FRMD4B: variants seen among roughly 807,000 people sequenced by gnomAD.
FRMD4B encodes the protein FERM domain-containing protein 4B.
A neutral mutation model predicts 141.5 loss-of-function variants in FRMD4B; 74 were observed. The ratio of observed to expected loss-of-function variants is 0.52; its 90% CI spans 0.43 to 0.63. The LOEUF (loss-of-function observed/expected upper bound fraction) is 0.63, where lower values mean the gene tolerates loss of function less well. Ranked by LOEUF, FRMD4B falls within the 30% of genes least tolerant of loss-of-function variation. The probability of loss-of-function intolerance (pLI) is 0.00; values close to 1 mark genes in which losing one functional copy is unlikely to be tolerated. For synonymous variants in FRMD4B, 506 were observed against 467.9 expected (o/e 1.08, Z -1.05); for missense variants, 1,366 against 1,253.4 (o/e 1.09, Z -1.36).
intron 1 of FRMD4B, among the ~76,000 whole-genome samples, chr3:69,329,146 T>C (rs1039477794): frequency 6.6e-6 from 1 of 152,098 alleles, no homozygotes; most frequent in African/African-American, 2.4e-5. Context: ...GTGGAGGCCG[T>C]TGAGAGACCA....
intron 4 of FRMD4B, among the ~76,000 whole-genome samples, chr3:69,288,371 C>T (rs987968569): frequency 6.6e-6 from 1 of 152,262 alleles, no homozygotes; most frequent in African/African-American, 2.4e-5. Context: ...TCCTTCCCAT[C>T]CTTCCAGGCC....
At chr3:69,202,640 A>G (rs1270024389) in intron 11 of FRMD4B, among the ~76,000 whole-genome samples, 1 of 152,188 alleles carries the variant, frequency 6.6e-6, no homozygotes, top group Non-Finnish European at 1.5e-5. Context: ...ACGAGTTTGA[A>G]CACTATGTTG....
intron 7 of FRMD4B, among the ~76,000 whole-genome samples, chr3:69,226,222 A>C (rs1018367337): frequency 6.6e-6 from 1 of 152,200 alleles, no homozygotes; most frequent in African/African-American, 2.4e-5. Flanking sequence ...CTGTTCTTAC[A>C]TAAGAATAAA....
chr3:69,264,506 A>C (rs879234621), intron 5 of FRMD4B, among the ~76,000 whole-genome samples: 1 of 152,170 alleles, frequency 6.6e-6, no homozygotes, highest in Non-Finnish European at 1.5e-5. Context: ...GCTCAGAGTA[A>C]GGGATCCCAG....
chr3:69,339,538 A>T (rs1702666183), intron 1 of FRMD4B, among the ~76,000 whole-genome samples: 1 of 152,152 alleles, frequency 6.6e-6, no homozygotes, highest in Non-Finnish European at 1.5e-5. Flanking sequence ...GTTAGCCATG[A>T]TGACTATTAA....
intron 1 of FRMD4B, among the ~76,000 whole-genome samples, chr3:69,470,656 T>C (rs937585396): frequency 6.6e-6 from 1 of 152,124 alleles, no homozygotes; most frequent in Non-Finnish European, 1.5e-5. Flanking sequence ...TTGCAACAAG[T>C]TATCTCTGCA....
At chr3:69,420,299 A>AAAAAAC (rs1704951447) in intron 2 of FRMD4B, among the ~76,000 whole-genome samples, 1 of 151,776 alleles carries the variant, frequency 6.6e-6, no homozygotes, top group South Asian at 2.1e-4. Context: ...TCAAAAAAAA[A>AAAAAAC]AAAAAACAAC....
chr3:69,540,343 C>A (rs896806762), intron 1 of FRMD4B, among the ~76,000 whole-genome samples: 1 of 148,326 alleles, frequency 6.7e-6, no homozygotes, highest in Admixed American at 6.7e-5. Context: ...GGCCGGGTGC[C>A]GCGGCTCACC....
intron 9 of FRMD4B, among the ~76,000 whole-genome samples, chr3:69,220,572 C>T (rs1575623524): frequency 6.6e-6 from 1 of 152,162 alleles, no homozygotes; most frequent in East Asian, 1.9e-4. Context: ...AGATTAGAGG[C>T]TAGGCACAGT....
chr3:69,338,344 A>G (rs949516647), intron 1 of FRMD4B, among the ~76,000 whole-genome samples: 9 of 152,204 alleles, frequency 5.9e-5, no homozygotes, highest in African/African-American at 1.9e-4. Context: ...ATTAGGAGAT[A>G]TACCTAATGT....
chr3:69,464,858 C>T (rs1705757973), intron 1 of FRMD4B, among the ~76,000 whole-genome samples: 3 of 152,160 alleles, frequency 2.0e-5, no homozygotes, highest in Admixed American at 6.5e-5. Context: ...ATGAAATTAG[C>T]AAAATCCAGA....
chr3:69,541,868 C>T (rs1701191235), intron 1 of FRMD4B, among the ~76,000 whole-genome samples: 4 of 152,042 alleles, frequency 2.6e-5, no homozygotes, highest in Admixed American at 2.6e-4. Flanking sequence ...TCCCGACCTC[C>T]CACGAACGCG....
chr3:69,262,476 T>C (rs1037884148), intron 5 of FRMD4B, among the ~76,000 whole-genome samples: 1 of 146,690 alleles, frequency 6.8e-6, no homozygotes, highest in African/African-American at 2.5e-5. Flanking sequence ...TTTTTTTTTT[T>C]TTTTTTTTTG....
chr3:69,202,534 T>C (rs1189885207), intron 11 of FRMD4B, among the ~76,000 whole-genome samples: 2 of 151,016 alleles, frequency 1.3e-5, no homozygotes, highest in African/African-American at 2.4e-5. Context: ...ATTAAGAGTA[T>C]GGAACTAGAA....
At chr3:69,245,332 TGTGTGTGTGTG>T (rs1239321787) in intron 7 of FRMD4B, among the ~76,000 whole-genome samples, 1 of 149,482 alleles carries the variant, frequency 6.7e-6, no homozygotes, top group African/African-American at 2.6e-5. Flanking sequence ...TGTGTGTGTG[TGTGTGTGTGTG>T]TGTGTGTGTG....
chr3:69,291,777 T>A (rs1024610347), intron 4 of FRMD4B, among the ~76,000 whole-genome samples: 7 of 152,186 alleles, frequency 4.6e-5, no homozygotes, highest in Admixed American at 6.5e-5. Context: ...GTTTTCTGAG[T>A]CTTTGTCAAT....
chr3:69,332,970 A>C (rs1032320643), intron 1 of FRMD4B, among the ~76,000 whole-genome samples: 1 of 152,070 alleles, frequency 6.6e-6, no homozygotes, highest in African/African-American at 2.4e-5. Context: ...TCAAGCTAAA[A>C]TATAAGCCAG....
At chr3:69,176,445 C>G (rs2092647215) in intron 22 of FRMD4B, 79 bp downstream of exon 22, 3 of 1,228,240 alleles carry the variant, frequency 2.4e-6, no homozygotes, top group Non-Finnish European at 3.6e-6. Flanking sequence ...ACTAGATTAT[C>G]TGACGTTTGT....
chr3:69,537,905 G>A (rs988881681), intron 1 of FRMD4B, among the ~76,000 whole-genome samples: 36 of 152,198 alleles, frequency 2.4e-4, no homozygotes, highest in South Asian at 6.2e-4. Context: ...GTATTCATGT[G>A]GCAGTCCAGC....
Sources: gnomAD v4.1 joint callset for allele counts (sites outside exome capture counted in the v4.1 genomes callset) on GRCh38, gnomAD v4.1.1 for gene constraint, MANE v1.5 for transcripts, NCBI Gene and HGNC (gene_info 2026-07-23, HGNC 2026-07-21) for gene names.